The following MATN2 variants were observed in gnomAD, a reference collection of about 807,000 sequenced individuals.
The protein encoded by MATN2 is matrilin-2.
A neutral mutation model predicts 103.2 loss-of-function variants in MATN2; 69 were observed. The observed-to-expected ratio is 0.67, with a 90% CI of 0.55 to 0.82. MATN2 has a LOEUF of 0.82. Among genes scored for constraint, MATN2 ranks in the 40% least tolerant of loss-of-function variants. The pLI, the probability that MATN2 is intolerant of heterozygous loss-of-function variation, is 0.00. For missense variants in MATN2, 1,023 were observed against 1,211.5 expected, an observed-to-expected ratio of 0.84 and a Z score of 2.31; for synonymous variants, 429 against 450.2, an observed-to-expected ratio of 0.95 and a Z score of 0.60.
chr8:98,024,753 C>A (rs1404950287), intron 13 of MATN2: 2 of 152,172 alleles, frequency 1.3e-5, no homozygotes, highest in African/African-American at 2.4e-5. Context: ...CTGAAAATTA[C>A]GTTCTGAAAG....
chr8:97,971,168 G>T (rs1429607725), intron 5 of MATN2, among the ~76,000 whole-genome samples: 1 of 152,114 alleles, frequency 6.6e-6, no homozygotes, highest in Non-Finnish European at 1.5e-5. Context: ...AGAGAGTCCT[G>T]ACGGTTTGGT....
intron 6 of MATN2, among the ~76,000 whole-genome samples, chr8:97,988,189 T>TAC (rs58039452): frequency 0.18 from 8,549 of 48,268 alleles, 1,007 homozygotes; most frequent in Non-Finnish European, 0.25. Context: ...TATATATATA[T>TAC]ACACACACAC....
chr8:97,990,238 A>C (rs548412942), intron 6 of MATN2, among the ~76,000 whole-genome samples: 6 of 151,602 alleles, frequency 4.0e-5, no homozygotes, highest in Admixed American at 6.6e-5. Flanking sequence ...AAAATATTTG[A>C]ATAGAAACTT....
At chr8:97,957,060 A>G (rs1811167653) in intron 4 of MATN2, among the ~76,000 whole-genome samples, 1 of 152,176 alleles carries the variant, frequency 6.6e-6, no homozygotes, top group Non-Finnish European at 1.5e-5. Flanking sequence ...ATACCATGGG[A>G]TCAGTGCCGA....
At chr8:97,884,682 A>C (rs916654832) in intron 1 of MATN2, among the ~76,000 whole-genome samples, 23 of 151,980 alleles carry the variant, frequency 1.5e-4, no homozygotes, top group African/African-American at 5.6e-4. Context: ...GAGGCATGAG[A>C]ATTGCTTGAA....
chr8:97,921,201 A>G (rs951270540), intron 2 of MATN2, among the ~76,000 whole-genome samples: 4 of 152,106 alleles, frequency 2.6e-5, no homozygotes, highest in African/African-American at 9.7e-5. Context: ...GAGAACCATA[A>G]ATGCCTCCAG....
At chr8:97,905,109 G>A (rs938323798) in intron 2 of MATN2, among the ~76,000 whole-genome samples, 2 of 152,120 alleles carry the variant, frequency 1.3e-5, no homozygotes, top group Non-Finnish European at 2.9e-5. Context: ...ATCTTGACAT[G>A]TTGTTTTTAA....
At chr8:97,887,999 C>A in intron 1 of MATN2, 76 bp from the exon 2 acceptor site, 1 of 1,387,192 alleles carries the variant, frequency 7.2e-7, no homozygotes, top group South Asian at 1.4e-5. Flanking sequence ...GGCGGGGCAG[C>A]GGGCCTGCAG....
At chr8:98,027,923 T>C (rs1813872044) in intron 14 of MATN2, 94 bp downstream of exon 14, 2 of 1,348,648 alleles carry the variant, frequency 1.5e-6, no homozygotes, top group Non-Finnish European at 2.0e-6. Flanking sequence ...GTAAGCTTCT[T>C]TGAGTGTACA....
chr8:97,887,835 G>T, intron 1 of MATN2: 1 of 366,266 alleles, frequency 2.7e-6, no homozygotes, highest in Non-Finnish European at 4.9e-6. Context: ...TTTCCATTCA[G>T]TCTTACAGTG....
At chr8:98,018,241 G>A in intron 12 of MATN2, 125 bp downstream of exon 12, 2 of 1,280,286 alleles carry the variant, frequency 1.6e-6, no homozygotes, top group Non-Finnish European at 2.2e-6. Flanking sequence ...TGCCTTGGGT[G>A]CTCTGAAAGT....
chr8:97,892,864 G>C (rs939383875), intron 2 of MATN2, among the ~76,000 whole-genome samples: 2 of 152,182 alleles, frequency 1.3e-5, no homozygotes, highest in Non-Finnish European at 2.9e-5. Flanking sequence ...GCTGGTTTAA[G>C]AGAATTGTTC....
intron 2 of MATN2, among the ~76,000 whole-genome samples, chr8:97,907,884 T>G (rs1166464567): frequency 6.6e-6 from 1 of 152,150 alleles, no homozygotes; most frequent in Non-Finnish European, 1.5e-5. Context: ...ACGCCTATAA[T>G]CCCAGCACTT....
At chr8:97,874,406 C>CTTCTTTTTTTTTTTTTT (rs371042037) in intron 1 of MATN2, among the ~76,000 whole-genome samples, 1 of 136,102 alleles carries the variant, frequency 7.3e-6, no homozygotes, top group Non-Finnish European at 1.6e-5. Flanking sequence ...TCTTCTTCTT[C>CTTCTTTTTTTTTTTTTT]TTTTTTTTTT....
intron 5 of MATN2, among the ~76,000 whole-genome samples, chr8:97,975,958 T>C (rs896130970): frequency 6.6e-6 from 1 of 152,202 alleles, no homozygotes; most frequent in Non-Finnish European, 1.5e-5. Flanking sequence ...TCAGTCTTTA[T>C]GTTATGACTC....
chr8:98,020,249 G>A (rs553358330), intron 12 of MATN2, among the ~76,000 whole-genome samples: 1 of 152,236 alleles, frequency 6.6e-6, no homozygotes, highest in East Asian at 1.9e-4. Context: ...GGGCTCAAGC[G>A]ATCTTCCCAC....
chr8:97,930,735 A>C (rs565952317), intron 2 of MATN2, among the ~76,000 whole-genome samples: 29 of 151,902 alleles, frequency 1.9e-4, no homozygotes, highest in Middle Eastern at 3.4e-3. Flanking sequence ...TGATTCTCCT[A>C]CCTCAGCCTC....
chr8:98,020,154 TTTTTG>T (rs1195328308), intron 12 of MATN2, among the ~76,000 whole-genome samples: 2 of 152,082 alleles, frequency 1.3e-5, no homozygotes, highest in Admixed American at 6.6e-5. Flanking sequence ...TTTTTGTTTG[TTTTTG>T]TTTTGAGACA....
chr8:97,890,823 T>A (rs1316490872), intron 2 of MATN2, among the ~76,000 whole-genome samples: 5 of 152,246 alleles, frequency 3.3e-5, no homozygotes, highest in African/African-American at 1.2e-4. Context: ...GCAAGTATGT[T>A]CCTGAAAGTT....
Sources: gnomAD v4.1 joint callset for allele counts (sites outside exome capture counted in the v4.1 genomes callset) on GRCh38, gnomAD v4.1.1 for gene constraint, MANE v1.5 for transcripts, NCBI Gene and HGNC (gene_info 2026-07-23, HGNC 2026-07-21) for gene names.